Variants in SCAPER observed in about 807,000 individuals in gnomAD.
SCAPER encodes S phase cyclin A-associated protein in the endoplasmic reticulum.
Under a neutral mutation model 182.2 loss-of-function variants are expected in SCAPER, and 98 were observed. That is an observed-to-expected ratio of 0.54 (90% CI 0.46 to 0.64). The LOEUF (loss-of-function observed/expected upper bound fraction) is 0.64, where lower values mean the gene tolerates loss of function less well. Among genes scored for constraint, SCAPER ranks in the 30% least tolerant of loss-of-function variants. SCAPER has a pLI of 0.00. For synonymous variants in SCAPER, 605 were observed against 564.6 expected (o/e 1.07, Z -1.01); for missense variants, 1,432 against 1,690.0 (o/e 0.85, Z 2.68).
chr15:76,763,667 CCT>C (rs1337651898), intron 14 of SCAPER, among the ~76,000 whole-genome samples: 1 of 152,018 alleles, frequency 6.6e-6, no homozygotes, highest in African/African-American at 2.4e-5. Context: ...TCTTTTCTCT[CCT>C]CTTACTGGGT....
intron 15 of SCAPER, among the ~76,000 whole-genome samples, chr15:76,752,028 ACT>A (rs1041758578): frequency 6.6e-6 from 1 of 151,252 alleles, no homozygotes; most frequent in Non-Finnish European, 1.5e-5. Context: ...AAGTCTTAAA[ACT>A]CCACAATAAA....
intron 23 of SCAPER, among the ~76,000 whole-genome samples, chr15:76,548,818 G>T (rs1008114318): frequency 3.0e-4 from 46 of 152,312 alleles, no homozygotes; most frequent in African/African-American, 1.1e-3. Flanking sequence ...AGACCTAAAT[G>T]TTAGACCTAA....
At chr15:76,661,676 A>G (rs1000646859) in intron 21 of SCAPER, among the ~76,000 whole-genome samples, 4 of 152,174 alleles carry the variant, frequency 2.6e-5, no homozygotes, top group Non-Finnish European at 4.4e-5. Flanking sequence ...ATAAGTCAAG[A>G]AAAAAACAAT....
At chr15:76,700,000 C>T (rs1485530859) in intron 20 of SCAPER, among the ~76,000 whole-genome samples, 1 of 152,180 alleles carries the variant, frequency 6.6e-6, no homozygotes, top group Non-Finnish European at 1.5e-5. Flanking sequence ...GGGGCCCATC[C>T]ACAGAAGCTC....
At chr15:76,393,294 T>G (rs1271187437) in intron 27 of SCAPER, among the ~76,000 whole-genome samples, 4 of 152,228 alleles carry the variant, frequency 2.6e-5, no homozygotes, top group Admixed American at 6.5e-5. Context: ...TGTAGGGAGA[T>G]AGCCCACATG....
intron 24 of SCAPER, among the ~76,000 whole-genome samples, chr15:76,471,922 G>C (rs11857327): frequency 0.28 from 43,211 of 152,014 alleles, 7,134 homozygotes; most frequent in East Asian, 0.58. Flanking sequence ...GACAGTTTAA[G>C]GTCAAACTGA....
chr15:76,401,835 T>A (rs762673044), intron 27 of SCAPER, among the ~76,000 whole-genome samples: 76 of 152,236 alleles, frequency 5.0e-4, no homozygotes, highest in Middle Eastern at 3.4e-3. Context: ...GAAAACTCAA[T>A]CAAGGATGTG....
chr15:76,800,385 C>G, intron 6 of SCAPER, 21 bp from the exon 7 acceptor site: 2 of 1,435,902 alleles, frequency 1.4e-6, no homozygotes, highest in Non-Finnish European at 9.8e-7. Context: ...AATATATAAA[C>G]CAGATTAAAT....
At chr15:76,870,157 AG>A (rs1448460238) in intron 2 of SCAPER, among the ~76,000 whole-genome samples, 4 of 152,164 alleles carry the variant, frequency 2.6e-5, no homozygotes, top group Non-Finnish European at 4.4e-5. Context: ...ATGGTTGGAT[AG>A]AAAAAATAAG....
chr15:76,856,578 T>C (rs1260481540), intron 4 of SCAPER, among the ~76,000 whole-genome samples: 1 of 151,688 alleles, frequency 6.6e-6, no homozygotes, highest in African/African-American at 2.4e-5. Flanking sequence ...GGTGCCTTTG[T>C]GTGTGGGGAT....
At chr15:76,444,715 G>A (rs1014977105) in intron 25 of SCAPER, among the ~76,000 whole-genome samples, 3 of 152,014 alleles carry the variant, frequency 2.0e-5, no homozygotes, top group Non-Finnish European at 4.4e-5. Context: ...CTGATGACAT[G>A]AATGTTAGAT....
chr15:76,395,687 A>G (rs1234942232), intron 27 of SCAPER, among the ~76,000 whole-genome samples: 2 of 152,170 alleles, frequency 1.3e-5, no homozygotes, highest in Admixed American at 1.3e-4. Flanking sequence ...CCCATTTAAA[A>G]ATTGGATTAT....
chr15:76,405,305 G>A (rs1036221447), intron 26 of SCAPER, among the ~76,000 whole-genome samples: 15 of 151,520 alleles, frequency 9.9e-5, no homozygotes, highest in African/African-American at 2.9e-4. Context: ...TTGTAGAAAT[G>A]GGGTTTTGCT....
At chr15:76,515,226 T>C (rs1363196930) in intron 23 of SCAPER, among the ~76,000 whole-genome samples, 1 of 152,174 alleles carries the variant, frequency 6.6e-6, no homozygotes, top group East Asian at 1.9e-4. Flanking sequence ...CTGAGGGAGC[T>C]GAATTGTGCC....
rs777194320 is a variant in SCAPER, at chr15:76,862,537, T to C, written c.7-4A>G. 2.5e-6 allele frequency: 4 copies of C among 1,572,822 alleles called. No individual in the cohort carries two copies. The highest frequency in any genetic ancestry group is 3.5e-6 in the Non-Finnish European group (4 of 1,144,714). ...TATTGGAGCGCTGGAATGAAGCCTA[T>C]GTATGGAAAAGATGGTACTTATTAG... is the stretch of plus-strand genomic sequence containing the variant. On this transcript the variant is annotated splice_polypyrimidine_tract_variant and splice_region_variant and intron_variant, in intron 2 of 31. Coordinates refer to ENST00000563290, the MANE Select transcript of SCAPER (RefSeq NM_020843.4).
rs1452786059 is a variant in SCAPER, at chr15:76,674,735, T to A, written c.2509-8946A>T. ...CAGAACTGTACTGTAAAAAATAAAT[T>A]TCTATGTTCTTAAAATCACTGTATT... On this transcript the variant is annotated intron_variant, in intron 20 of 31. Coordinates refer to ENST00000563290, the MANE Select transcript of SCAPER (RefSeq NM_020843.4). Among the ~76,000 whole-genome samples the A allele has an allele frequency of 3.3e-5, 5 of 152,186 alleles. No homozygotes were observed. In the East Asian group the frequency reaches 9.6e-4, roughly 29 times the overall value.
At chr15:76,852,434 T>C (rs1462776329) in intron 4 of SCAPER, among the ~76,000 whole-genome samples, 3 of 152,136 alleles carry the variant, frequency 2.0e-5, no homozygotes, top group Non-Finnish European at 4.4e-5. Flanking sequence ...AACCTCATAA[T>C]TGGACATAAA....
intron 22 of SCAPER, among the ~76,000 whole-genome samples, chr15:76,589,863 T>C (rs2048976305): frequency 6.6e-6 from 1 of 152,184 alleles, no homozygotes; most frequent in Non-Finnish European, 1.5e-5. Flanking sequence ...GTTTCTGCCG[T>C]GGCCTCCTCT....
intron 26 of SCAPER, among the ~76,000 whole-genome samples, chr15:76,412,436 G>T (rs1302811951): frequency 2.6e-5 from 4 of 152,002 alleles, no homozygotes; most frequent in Admixed American, 2.0e-4. Flanking sequence ...TGGCCAGGGG[G>T]TTTATGGAAA....
Sources: gnomAD v4.1 joint callset for allele counts (sites outside exome capture counted in the v4.1 genomes callset) on GRCh38, gnomAD v4.1.1 for gene constraint, MANE v1.5 for transcripts, NCBI Gene and HGNC (gene_info 2026-07-23, HGNC 2026-07-21) for gene names.